PPM1H: variants seen among roughly 807,000 people sequenced by gnomAD.
The protein encoded by PPM1H is protein phosphatase 1H.
PPM1H carries 27 observed loss-of-function variants against 54.9 expected under a neutral mutation model. That is an observed-to-expected ratio of 0.49 (90% CI 0.36 to 0.68). The LOEUF is 0.68. PPM1H is among the 30% of genes least tolerant of loss of function. The probability of loss-of-function intolerance (pLI) is 0.00; values close to 1 mark genes in which losing one functional copy is unlikely to be tolerated. For missense variants in PPM1H, 596 were observed against 667.8 expected (o/e 0.89, Z 1.19); for synonymous variants, 305 against 270.8 (o/e 1.13, Z -1.24).
chr12:62,934,352 T>A lies in PPM1H; in HGVS notation c.245+140A>T. 8.1e-7 allele frequency: 1 copy of A among 1,238,892 alleles called. No homozygotes were observed. The highest frequency in any genetic ancestry group is 1.1e-6 in the Non-Finnish European group (1 of 935,760). 76.7% of individuals were successfully genotyped at this position (1,238,892 alleles called of 1,614,324 possible). A position where few individuals can be genotyped will look rare whatever the true frequency, so the allele number is the denominator to read the frequency against. ...AGAAGAGGGAAATGGCCAGTGTAAG[T>A]AAAGAGCTCCCCGCCGAGGCCTGGA... is the stretch of plus-strand genomic sequence containing the variant. On this transcript the variant is annotated intron_variant, in intron 1 of 9. Coordinates refer to ENST00000228705, the MANE Select transcript of PPM1H (RefSeq NM_020700.2). The surrounding 1 kb of genome is among the most constrained non-coding windows in gnomAD (Gnocchi z 4.2).
intron 2 of PPM1H, among the ~76,000 whole-genome samples, chr12:62,830,876 A>G (rs769611217): frequency 2.0e-5 from 3 of 152,188 alleles, no homozygotes; most frequent in Non-Finnish European, 2.9e-5. Flanking sequence ...TCTTTTTGAG[A>G]TGGAGTCTGC....
intron 9 of PPM1H, 111 bp from the exon 10 acceptor site, chr12:62,648,747 A>G: frequency 8.3e-7 from 1 of 1,199,052 alleles, no homozygotes; most frequent in Non-Finnish European, 1.2e-6. Flanking sequence ...ATAAGTTTCA[A>G]ATACACTTAC....
chr12:62,808,371 C>T (rs2076817370), intron 2 of PPM1H, among the ~76,000 whole-genome samples: 1 of 149,040 alleles, frequency 6.7e-6, no homozygotes, highest in Non-Finnish European at 1.5e-5. Flanking sequence ...AAGGTGACCA[C>T]CCCTACCCTA....
At chr12:62,666,042 T>C (rs1407268697) in intron 9 of PPM1H, among the ~76,000 whole-genome samples, 1 of 152,178 alleles carries the variant, frequency 6.6e-6, no homozygotes, top group Non-Finnish European at 1.5e-5. Context: ...AAAAAATTTC[T>C]GAAGCATGTT....
intron 3 of PPM1H, among the ~76,000 whole-genome samples, chr12:62,792,192 T>C (rs1191453360): frequency 6.6e-6 from 1 of 152,204 alleles, no homozygotes; most frequent in Non-Finnish European, 1.5e-5. Flanking sequence ...TATGTAATGC[T>C]TAGGGGAAAA....
At chr12:62,825,748 G>C (rs1424128962) in intron 2 of PPM1H, among the ~76,000 whole-genome samples, 1 of 152,108 alleles carries the variant, frequency 6.6e-6, no homozygotes, top group Non-Finnish European at 1.5e-5. Context: ...TGTGGAGCAG[G>C]GGGAGGGATA....
At chr12:62,783,537 C>T (rs527757791) in intron 4 of PPM1H, among the ~76,000 whole-genome samples, 2 of 152,330 alleles carry the variant, frequency 1.3e-5, no homozygotes, top group Admixed American at 6.5e-5. Context: ...CGGGTGGTGT[C>T]CCTGCTCCTC....
At chr12:62,696,603 G>T (rs1425161713) in intron 6 of PPM1H, among the ~76,000 whole-genome samples, 1 of 152,186 alleles carries the variant, frequency 6.6e-6, no homozygotes, top group Non-Finnish European at 1.5e-5. Flanking sequence ...TAGTACTCAA[G>T]AGTTAAAACT....
intron 4 of PPM1H, among the ~76,000 whole-genome samples, chr12:62,748,672 CTG>C (rs747067993): frequency 6.6e-6 from 1 of 152,158 alleles, no homozygotes; most frequent in Non-Finnish European, 1.5e-5. Context: ...ATGATAAAGA[CTG>C]TGGGGCAAAG....
At chr12:62,927,897 T>G (rs1197400137) in intron 1 of PPM1H, among the ~76,000 whole-genome samples, 1 of 152,158 alleles carries the variant, frequency 6.6e-6, no homozygotes, top group Non-Finnish European at 1.5e-5. Context: ...CTTTTACTAG[T>G]CTATATTATC....
At chr12:62,814,282 T>C (rs2076852676) in intron 2 of PPM1H, among the ~76,000 whole-genome samples, 2 of 152,142 alleles carry the variant, frequency 1.3e-5, no homozygotes, top group Non-Finnish European at 2.9e-5. Context: ...GAGTTCTCCT[T>C]ATTTTGCCCA....
chr12:62,670,370 G>A (rs887329456), intron 8 of PPM1H, among the ~76,000 whole-genome samples: 3 of 152,196 alleles, frequency 2.0e-5, no homozygotes, highest in African/African-American at 7.2e-5. Context: ...AAGAGGTGGT[G>A]AGATGTGGAT....
intron 2 of PPM1H, among the ~76,000 whole-genome samples, chr12:62,823,650 CAT>C (rs1366512467): frequency 2.6e-5 from 4 of 152,190 alleles, no homozygotes; most frequent in Admixed American, 6.5e-5. Context: ...ACAAAAACCA[CAT>C]GATTATCTCA....
At chr12:62,929,867 C>T (rs1376460961) in intron 1 of PPM1H, among the ~76,000 whole-genome samples, 4 of 152,130 alleles carry the variant, frequency 2.6e-5, no homozygotes, top group Admixed American at 2.0e-4. Flanking sequence ...TCTGCAGATA[C>T]CCTCACCCAC....
intron 1 of PPM1H, among the ~76,000 whole-genome samples, chr12:62,849,972 T>A (rs1208012392): frequency 6.6e-6 from 1 of 152,114 alleles, no homozygotes; most frequent in Non-Finnish European, 1.5e-5. Flanking sequence ...TACTTTTTTA[T>A]TTTTTTGAGA....
intron 2 of PPM1H, among the ~76,000 whole-genome samples, chr12:62,803,672 AGGC>A (rs2076786463): frequency 6.6e-6 from 1 of 152,232 alleles, no homozygotes; most frequent in Non-Finnish European, 1.5e-5. Flanking sequence ...CCCAAAGCAC[AGGC>A]AATGAAGCAA....
In PPM1H at chr12:62,674,383, T is replaced by C. The variant is rs117150150; in HGVS notation, c.1246-7054A>G. Among the ~76,000 whole-genome samples the C allele has an allele frequency of 6.3e-3, 965 of 152,258 alleles. 8 individuals carry two copies. The highest frequency in any genetic ancestry group is 0.011 in the Non-Finnish European group (731 of 68,026). ...TGGGAAATAAAGAGATGAAATCTTG[T>C]CCCCTCTATTTCATGTGTCCAACCC... On this transcript the variant is annotated intron_variant, in intron 8 of 9. Transcript: ENST00000228705.
At chr12:62,808,310 G>A (rs976495538) in intron 2 of PPM1H, among the ~76,000 whole-genome samples, 6 of 152,162 alleles carry the variant, frequency 3.9e-5, no homozygotes, top group African/African-American at 1.4e-4. Context: ...CACCTATTAA[G>A]TTGTGCAGCA....
intron 1 of PPM1H, among the ~76,000 whole-genome samples, chr12:62,849,956 A>T (rs181207459): frequency 6.6e-6 from 1 of 151,976 alleles, no homozygotes; most frequent in Non-Finnish European, 1.5e-5. Context: ...TTAAATAACA[A>T]TTTTTTACTT....
Sources: gnomAD v4.1 joint callset for allele counts (sites outside exome capture counted in the v4.1 genomes callset) on GRCh38, gnomAD v4.1.1 for gene constraint, Gnocchi (gnomAD v3.1) non-coding constraint, MANE v1.5 for transcripts, NCBI Gene and HGNC (gene_info 2026-07-23, HGNC 2026-07-21) for gene names.